The following KDM7A variants were observed in gnomAD, a reference collection of about 807,000 sequenced individuals.
KDM7A encodes lysine-specific demethylase 7A.
Under a neutral mutation model 114.8 loss-of-function variants are expected in KDM7A, and 28 were observed. The observed-to-expected ratio is 0.24, with a 90% CI of 0.18 to 0.33. The LOEUF (loss-of-function observed/expected upper bound fraction) is 0.33, where lower values mean the gene tolerates loss of function less well. Among genes scored for constraint, KDM7A ranks in the 10% least tolerant of loss-of-function variants. The pLI is 1.00. For synonymous variants in KDM7A, 423 were observed against 397.8 expected (o/e 1.06, Z -0.75); for missense variants, 942 against 1,142.5 (o/e 0.82, Z 2.53).
At position 140,096,776 on chromosome 7, in the gene KDM7A, T is replaced by C. The variant is rs1343753031; in HGVS notation, c.2166-13A>G. The C allele has an allele frequency of 1.2e-6, 2 of 1,609,196 alleles. No individual in the cohort carries two copies. Among genetic ancestry groups the C allele is most frequent in the Non-Finnish European group, 1.7e-6 (2 of 1,177,414 alleles). Reference sequence around the variant, plus strand: ...GGTAGGACATTCCCTAAAGAAGAGATGATCCAAAAACACAAGAGTCTATTT... The same window carrying C: ...GGTAGGACATTCCCTAAAGAAGAGACGATCCAAAAACACAAGAGTCTATTT... On this transcript the variant is annotated splice_polypyrimidine_tract_variant and intron_variant, in intron 16 of 19. Transcript: ENST00000397560.
chr7:140,131,035 TTTTTG>T (rs972370481), intron 3 of KDM7A, among the ~76,000 whole-genome samples: 25 of 150,208 alleles, frequency 1.7e-4, no homozygotes, highest in Non-Finnish European at 8.8e-5. Flanking sequence ...TTTGTTTTTG[TTTTTG>T]TTTTTTTTAG....
chr7:140,152,243 C>T (rs1794408127), intron 1 of KDM7A, among the ~76,000 whole-genome samples: 1 of 152,156 alleles, frequency 6.6e-6, no homozygotes, highest in African/African-American at 2.4e-5. Flanking sequence ...AGACGAGTTA[C>T]AGTAGGGGTC....
intron 12 of KDM7A, among the ~76,000 whole-genome samples, chr7:140,100,778 G>GTTTGGA (rs1279944255): frequency 7.6e-6 from 1 of 132,230 alleles, no homozygotes; most frequent in Admixed American, 7.8e-5. Flanking sequence ...TTGTTTGTTT[G>GTTTGGA]GAGACGGAGT....
chr7:140,102,776 C>G (rs1818254581), intron 11 of KDM7A, among the ~76,000 whole-genome samples: 1 of 152,172 alleles, frequency 6.6e-6, no homozygotes, highest in African/African-American at 2.4e-5. Context: ...TTCTTTCCGA[C>G]AATGAACATT....
At chr7:140,108,502 A>T (rs1055057554) in intron 11 of KDM7A, among the ~76,000 whole-genome samples, 11 of 152,202 alleles carry the variant, frequency 7.2e-5, no homozygotes, top group African/African-American at 2.6e-4. Flanking sequence ...TCTAACAGTC[A>T]AGACCCCTCA....
chr7:140,115,747 C>T (rs1223246411), intron 9 of KDM7A, among the ~76,000 whole-genome samples: 2 of 150,462 alleles, frequency 1.3e-5, no homozygotes, highest in South Asian at 2.1e-4. Flanking sequence ...GTCCCATGAC[C>T]CTGCCAAATC....
intron 11 of KDM7A, among the ~76,000 whole-genome samples, chr7:140,107,164 G>A (rs1818351931): frequency 6.6e-6 from 1 of 152,094 alleles, no homozygotes; most frequent in South Asian, 2.1e-4. Context: ...GCCTATGTGT[G>A]TCTCTGCACG....
At chr7:140,114,524 C>T (rs1263778778) in intron 9 of KDM7A, among the ~76,000 whole-genome samples, 1 of 151,962 alleles carries the variant, frequency 6.6e-6, no homozygotes, top group Non-Finnish European at 1.5e-5. Context: ...GCTACAACCT[C>T]CACCTCCCAG....
chr7:140,094,997 G>A (rs773917747), intron 17 of KDM7A, among the ~76,000 whole-genome samples: 7 of 152,084 alleles, frequency 4.6e-5, no homozygotes, highest in Non-Finnish European at 1.0e-4. Context: ...ACAGGCATGC[G>A]CCACCACGCC....
In KDM7A at chr7:140,092,078, C is replaced by T; in HGVS notation, c.2458-1G>A. On this transcript the variant is annotated splice_acceptor_variant, in intron 18 of 19. Transcript: ENST00000397560. LOFTEE classifies it high-confidence loss of function. ...TGCATTTCTGGCTTCTACTTAGATCCTGAAGGAGGAGGAAGGACATGAGGC... is the reference window on the plus strand; with the variant it reads ...TGCATTTCTGGCTTCTACTTAGATCTTGAAGGAGGAGGAAGGACATGAGGC... 1 of 1,613,864 alleles carries T rather than the reference C, an allele frequency of 6.2e-7. No individual in the cohort carries two copies. Among genetic ancestry groups the T allele is most frequent in the Non-Finnish European group, 8.5e-7 (1 of 1,179,852 alleles).
Position 140,127,528 on chromosome 7 carries a change from C to T in KDM7A, c.615G>A (p.Met205Ile), listed in dbSNP as rs201155007. ...AGTATTTAACATAATTGTGAAGTGT[C>T]ATTTTGCTGTCTGCCTGCCTCGCCA... ...IDVARQADSK[M>I]TLHNYVKYFM... Residue 205 changes from methionine to isoleucine, a missense_variant, in exon 5 of 20, where the codon ATG (methionine) becomes ATA (isoleucine). By Grantham distance (10) the Met-to-Ile change is conservative. Around this residue, in one of 4 missense-constraint regions of KDM7A, gnomAD observed 318 missense variants for 453.1 expected, o/e 0.70. Coordinates refer to ENST00000397560, the MANE Select transcript of KDM7A (RefSeq NM_030647.2). 96 of 1,613,844 alleles carry T rather than the reference C, an allele frequency of 5.9e-5. 1 individual carries two copies. The highest frequency in any genetic ancestry group is 1.6e-4 in the Middle Eastern group (1 of 6,062).
chr7:140,095,008 C>T (rs1284726668), intron 17 of KDM7A, among the ~76,000 whole-genome samples: 2 of 152,104 alleles, frequency 1.3e-5, no homozygotes, highest in East Asian at 1.9e-4. Context: ...CCACCACGCC[C>T]GGCTAATTTT....
chr7:140,160,763 C>T (rs957976545), intron 1 of KDM7A, among the ~76,000 whole-genome samples: 9 of 152,090 alleles, frequency 5.9e-5, no homozygotes, highest in Non-Finnish European at 1.3e-4. Context: ...GGGATAAGAC[C>T]TCTTCTACTA....
At position 140,084,892 on chromosome 7, in the gene KDM7A, T is replaced by TA. The variant is rs1216762261; in HGVS notation, c.*6201dup. 9.9e-5 allele frequency: 15 copies of TA among 152,208 alleles called. No individual in the cohort carries two copies. Among genetic ancestry groups the TA allele is most frequent in the Admixed American group, 9.8e-4 (15 of 15,282 alleles). The allele number at this position is 152,208 out of a possible 1,614,324, so 9.4% of individuals were successfully genotyped here. ...TAATACAATTTTAATTTCAATATTT[T>TA]AAAATACAGAAATTGGAAAGAATAC... is the stretch of plus-strand genomic sequence containing the variant. On this transcript the variant is annotated 3_prime_UTR_variant, in exon 20 of 20. Coordinates refer to ENST00000397560, the MANE Select transcript of KDM7A (RefSeq NM_030647.2).
intron 2 of KDM7A, among the ~76,000 whole-genome samples, chr7:140,137,499 T>G (rs1245688631): frequency 6.6e-6 from 1 of 152,188 alleles, no homozygotes; most frequent in Admixed American, 6.5e-5. Context: ...ATCATATTAT[T>G]TATTTACTTT....
At chr7:140,154,499 T>TAAAA (rs397974321) in intron 1 of KDM7A, among the ~76,000 whole-genome samples, 6 of 74,314 alleles carry the variant, frequency 8.1e-5, no homozygotes, top group South Asian at 4.0e-4. Context: ...CTCTTAAAAT[T>TAAAA]AAAAAAAAAA....
intron 9 of KDM7A, among the ~76,000 whole-genome samples, chr7:140,116,735 C>CTTCTT (rs10675738): frequency 6.6e-6 from 1 of 151,596 alleles, no homozygotes; most frequent in Non-Finnish European, 1.5e-5. Flanking sequence ...ACAAAAATGT[C>CTTCTT]TTGAGTTTTT....
intron 9 of KDM7A, among the ~76,000 whole-genome samples, chr7:140,116,256 G>GTC (rs1818527300): frequency 2.0e-5 from 1 of 49,726 alleles, no homozygotes; most frequent in Non-Finnish European, 4.7e-5. Context: ...TGCAGAATCA[G>GTC]TGTGTGTGTG....
At chr7:140,095,278 A>AAAT (rs1197983963) in intron 17 of KDM7A, among the ~76,000 whole-genome samples, 3 of 152,214 alleles carry the variant, frequency 2.0e-5, no homozygotes, top group African/African-American at 7.2e-5. Flanking sequence ...ATTTCCATAG[A>AAAT]AGTGTTCTCT....
Sources: gnomAD v4.1 joint callset for allele counts (sites outside exome capture counted in the v4.1 genomes callset) on GRCh38, gnomAD v4.1.1 for gene constraint, gnomAD v4.1.1 regional missense constraint, MANE v1.5 for transcripts, NCBI Gene and HGNC (gene_info 2026-07-23, HGNC 2026-07-21) for gene names.